GLS2: variants seen among roughly 807,000 people sequenced by gnomAD.
The protein encoded by GLS2 is glutaminase liver isoform, mitochondrial.
GLS2 carries 52 observed loss-of-function variants against 79.0 expected under a neutral mutation model. That is an observed-to-expected ratio of 0.66 (90% CI 0.53 to 0.83). The LOEUF (loss-of-function observed/expected upper bound fraction) is 0.83. GLS2 is among the 40% of genes least tolerant of loss of function. GLS2 has a pLI of 0.00. For synonymous variants in GLS2, 238 were observed against 280.8 expected, an observed-to-expected ratio of 0.85 and a Z score of 1.52; for missense variants, 561 against 764.8, an observed-to-expected ratio of 0.73 and a Z score of 3.14.
intron 1 of GLS2, among the ~76,000 whole-genome samples, chr12:56,482,020 C>T (rs778683273): frequency 1.3e-4 from 20 of 152,136 alleles, no homozygotes; most frequent in Non-Finnish European, 1.6e-4. Context: ...CACCTGAGGT[C>T]AGGAGTTCGA....
At chr12:56,481,834 T>G (rs1017236928) in intron 1 of GLS2, among the ~76,000 whole-genome samples, 1 of 151,498 alleles carries the variant, frequency 6.6e-6, no homozygotes, top group African/African-American at 2.4e-5. Flanking sequence ...GAGGTTGCAG[T>G]GAGCCGAGAT....
At position 56,474,552 on chromosome 12, in the gene GLS2, C is replaced by T; in HGVS notation, c.1216G>A (p.Ala406Thr). The T allele has an allele frequency of 6.2e-7, 1 of 1,613,956 alleles. No homozygotes were observed. The highest frequency in any genetic ancestry group is 8.5e-7 in the Non-Finnish European group (1 of 1,180,038). ...CGMYDFSGQFAFHVGLPAKSA... is the reference protein window; with the variant it reads ...CGMYDFSGQFTFHVGLPAKSA... ...CAGAGCCAGAAACTCACGTGGAAGG[C>T]AAACTGGCCAGAGAAGTCATACATG... Residue 406 changes from alanine to threonine, a missense_variant, in exon 12 of 18, where the codon GCC (alanine) becomes ACC (threonine). This residue lies in a region of GLS2 where 221 missense variants were observed against 275.6 expected (regional missense o/e 0.80). Transcript: ENST00000311966.
chr12:56,477,056 C>T (rs1013670082), intron 7 of GLS2: 2 of 152,220 alleles, frequency 1.3e-5, no homozygotes, highest in Admixed American at 6.5e-5. Context: ...GAGTCAATAC[C>T]ACAGGGACTC....
chr12:56,488,095 C>A lies in GLS2; in HGVS notation c.24G>T (p.Gln8His), dbSNP rs1387422969. MRSMKALQKALSRAGSHC... is the reference protein window; with the variant it reads MRSMKALHKALSRAGSHC... ...GACTGCCAGCCCGGCTCAGGGCCTTCTGCAGAGCCTTCATGGAGCGCATGC... is the reference window on the plus strand; with the variant it reads ...GACTGCCAGCCCGGCTCAGGGCCTTATGCAGAGCCTTCATGGAGCGCATGC... The change falls in exon 1 of 18, where the codon CAG becomes CAT. Residue 8 changes from glutamine (Q) to histidine (H), a missense_variant. Transcript: ENST00000311966. 3 of 1,562,200 alleles carry A rather than the reference C, an allele frequency of 1.9e-6. No homozygotes were observed.
intron 16 of GLS2, 129 bp downstream of exon 16, chr12:56,471,990 C>T (rs1396028630): frequency 1.4e-5 from 18 of 1,278,530 alleles, no homozygotes; most frequent in East Asian, 2.3e-5. Context: ...AGCTGCAAAC[C>T]GAAGGGTGTC....
In GLS2 at chr12:56,471,529, T is replaced by TGCTGCCTCAGCC. The variant is rs777249816; in HGVS notation, c.1755_1766dup (p.Ala589_Ala592dup). On this transcript the variant is annotated inframe_insertion, in exon 18 of 18. Coordinates refer to ENST00000311966, the MANE Select transcript of GLS2 (RefSeq NM_013267.4). ...AGTTCTCTTTGGACAGGGCCTCAGC[T>TGCTGCCTCAGCC]GCTGCCTCAGCCTGAGTTTCAGAGA... 1.1e-5 allele frequency: 17 copies of TGCTGCCTCAGCC among 1,614,034 alleles called. No individual in the cohort carries two copies. The Admixed American group carries it at 2.8e-4, about 27-fold the overall frequency.
At chr12:56,476,207 G>GGCTC in intron 7 of GLS2, 1 of 487,012 alleles carries the variant, frequency 2.1e-6, no homozygotes, top group South Asian at 2.2e-5. Flanking sequence ...TTGTCACCCA[G>GGCTC]GCTGGAGTGC....
At position 56,475,610 on chromosome 12, in the gene GLS2, G is replaced by C; in HGVS notation, c.929+14C>G. ...CCACAATGCTTTCAGTCAGTCCTCT[G>C]AGTAGGGACTTACGTGGCATTGCTG... On this transcript the variant is annotated intron_variant, in intron 9 of 17. Coordinates refer to ENST00000311966, the MANE Select transcript of GLS2 (RefSeq NM_013267.4). 1.2e-6 allele frequency: 2 copies of C among 1,613,360 alleles called. No homozygotes were observed. Among genetic ancestry groups the C allele is most frequent in the Non-Finnish European group, 1.7e-6 (2 of 1,179,300 alleles).
intron 8 of GLS2, 113 bp from the exon 9 acceptor site, chr12:56,475,795 G>A (rs1271823981): frequency 8.5e-7 from 1 of 1,176,316 alleles, no homozygotes; most frequent in Non-Finnish European, 1.2e-6. Flanking sequence ...TTTCCTCTCT[G>A]AGGCCAGCAG....
chr12:56,478,571 A>G, intron 4 of GLS2: 1 of 352,140 alleles, frequency 2.8e-6, no homozygotes. Context: ...TGAAGGCTCT[A>G]TTCGATCTTG....
intron 14 of GLS2, 146 bp from the exon 15 acceptor site, chr12:56,472,897 T>C: frequency 1.4e-6 from 1 of 730,798 alleles, no homozygotes; most frequent in Admixed American, 2.8e-5. Context: ...TTTTTTTTTT[T>C]TTTTTTTTGA....
In GLS2 at chr12:56,478,888, A is replaced by C. The variant is rs1870055484; in HGVS notation, c.534+164T>G. 6.2e-6 allele frequency: 5 copies of C among 802,954 alleles called. No homozygotes were observed. In the Admixed American group the frequency reaches 1.4e-4, roughly 22 times the overall value. 49.7% of individuals were successfully genotyped at this position (802,954 alleles called of 1,614,324 possible). The stretch of plus-strand genomic sequence containing the variant: ...TATGCCAGCTACTCGGGAGGCTGAG[A>C]CAGGAGAATCGCTTGAACCTGGGAG... On this transcript the variant is annotated intron_variant, in intron 4 of 17. Transcript: ENST00000311966.
chr12:56,481,946 A>G (rs1466325876), intron 1 of GLS2, among the ~76,000 whole-genome samples: 1 of 139,774 alleles, frequency 7.2e-6, no homozygotes, highest in Non-Finnish European at 1.5e-5. Context: ...AAACCTGCCA[A>G]TTGGCCGGGC....
intron 7 of GLS2, 76 bp downstream of exon 7, chr12:56,477,584 C>G: frequency 6.9e-7 from 1 of 1,444,446 alleles, no homozygotes; most frequent in Non-Finnish European, 9.5e-7. Context: ...CCCTGGAGAG[C>G]TGAACAAATA....
chr12:56,475,541 C>CT (rs959700733), intron 9 of GLS2, 83 bp downstream of exon 9: 13 of 1,402,482 alleles, frequency 9.3e-6, no homozygotes, highest in Non-Finnish European at 1.3e-5. Flanking sequence ...AAGATTCTCT[C>CT]TCCCCCATTC....
intron 12 of GLS2, 147 bp downstream of exon 12, chr12:56,474,397 C>A: frequency 1.1e-6 from 1 of 924,220 alleles, no homozygotes; most frequent in Non-Finnish European, 1.6e-6. Flanking sequence ...TTGAGAAACT[C>A]GTCTAAGGAG....
At chr12:56,475,546 C>T (rs1346993557) in intron 9 of GLS2, 78 bp downstream of exon 9, 5 of 1,439,432 alleles carry the variant, frequency 3.5e-6, no homozygotes, top group Admixed American at 3.6e-5. Context: ...TCTCTCTCCC[C>T]CATTCCTCTT....
rs761432434 is a variant in GLS2 at position 56,471,783 on chromosome 12, C to G, written c.1642G>C (p.Ala548Pro). The G allele has an allele frequency of 1.2e-6, 2 of 1,613,998 alleles. No homozygotes were observed. Among genetic ancestry groups the G allele is most frequent in the African/African-American group, 2.7e-5 (2 of 74,888 alleles). The change falls in exon 17 of 18, where the codon GCC becomes CCC. Residue 548 changes from alanine (A) to proline (P), a missense_variant. Physicochemically the swap from Ala to Pro is conservative, Grantham distance 27. Around this residue, in one of 4 missense-constraint regions of GLS2, gnomAD observed 136 missense variants for 228.6 expected, o/e 0.59. Coordinates refer to ENST00000311966, the MANE Select transcript of GLS2 (RefSeq NM_013267.4). ...LIEACKVNPFAKDRWGNIPLD... is the reference protein window; with the variant it reads ...LIEACKVNPFPKDRWGNIPLD... ...TAGCCTATTCCTCACCTGTCCTTGG[C>G]AAAAGGATTCACTTTGCAAGCCTCG...
intron 8 of GLS2, 23 bp downstream of exon 8, chr12:56,475,922 G>A (rs775124696): frequency 6.2e-7 from 1 of 1,613,592 alleles, no homozygotes; most frequent in East Asian, 2.2e-5. Flanking sequence ...TGCAGCCAGG[G>A]GCTAAGTAGC....
Sources: gnomAD v4.1 joint callset for allele counts (sites outside exome capture counted in the v4.1 genomes callset) on GRCh38, gnomAD v4.1.1 for gene constraint, gnomAD v4.1.1 regional missense constraint, MANE v1.5 for transcripts, NCBI Gene and HGNC (gene_info 2026-07-23, HGNC 2026-07-21) for gene names.